Variants in DCC observed in about 807,000 individuals in gnomAD.
DCC encodes netrin receptor DCC.
Under a neutral mutation model 172.5 loss-of-function variants are expected in DCC, and 58 were observed. That is an observed-to-expected ratio of 0.34 (90% CI 0.27 to 0.42). DCC has a LOEUF of 0.42. DCC is among the 10% of genes least tolerant of loss of function. DCC has a pLI of 1.00. For synonymous variants in DCC, 709 were observed against 644.5 expected (o/e 1.10, Z -1.52); for missense variants, 1,740 against 1,791.0 (o/e 0.97, Z 0.51).
In DCC at chr18:53,470,187, T is replaced by G. The variant is rs190023368; in HGVS notation, c.3736+2177T>G. Reference sequence around the variant, plus strand: ...ATCAATGGCCTTAAATAAATATTATTAAAATGCTGATGAATCCTGGAGGAC... The same window carrying G: ...ATCAATGGCCTTAAATAAATATTATGAAAATGCTGATGAATCCTGGAGGAC... On this transcript the variant is annotated intron_variant, in intron 25 of 28. Coordinates refer to ENST00000442544, the MANE Select transcript of DCC (RefSeq NM_005215.4). Among the ~76,000 whole-genome samples, 28 of 152,194 alleles carry G rather than the reference T, an allele frequency of 1.8e-4. No individual in the cohort carries two copies. The East Asian group carries it at 4.4e-3, about 24-fold the overall frequency.
At chr18:53,144,865 T>C (rs770746562) in intron 7 of DCC, among the ~76,000 whole-genome samples, 18 of 152,124 alleles carry the variant, frequency 1.2e-4, no homozygotes, top group Non-Finnish European at 2.5e-4. Context: ...GTTTTTACAA[T>C]GTTTTCAGTT....
At position 52,721,620 on chromosome 18, in the gene DCC, A is replaced by T. The variant is rs946994709; in HGVS notation, c.92-30434A>T. ...CCTAAGGCACAGTGAGGAGGACTTC[A>T]CTAAGGCACATATCACAACATTTCT... On this transcript the variant is annotated intron_variant, in intron 1 of 28. Coordinates refer to ENST00000442544, the MANE Select transcript of DCC (RefSeq NM_005215.4). Among the ~76,000 whole-genome samples, 11 of 152,188 alleles carry T rather than the reference A, an allele frequency of 7.2e-5. 1 individual carries two copies. The highest frequency in any genetic ancestry group is 1.5e-4 in the Non-Finnish European group (10 of 68,032).
intron 5 of DCC, among the ~76,000 whole-genome samples, chr18:52,935,060 T>G (rs575195973): frequency 6.6e-6 from 1 of 152,282 alleles, no homozygotes; most frequent in East Asian, 1.9e-4. Context: ...ATAGAACAAC[T>G]GCTAAAAAGA....
chr18:52,451,529 G>A (rs1456151769), intron 1 of DCC, among the ~76,000 whole-genome samples: 3 of 152,164 alleles, frequency 2.0e-5, no homozygotes, highest in Non-Finnish European at 4.4e-5. Context: ...TCAGGCAATC[G>A]GAAAAGGTTA....
chr18:53,172,811 T>C (rs940534825), intron 8 of DCC, among the ~76,000 whole-genome samples: 2 of 152,128 alleles, frequency 1.3e-5, no homozygotes, highest in African/African-American at 2.4e-5. Flanking sequence ...AAGAAGTTCC[T>C]TATTTTTCCA....
intron 1 of DCC, among the ~76,000 whole-genome samples, chr18:52,465,800 A>T (rs986398405): frequency 6.7e-6 from 1 of 149,930 alleles, no homozygotes; most frequent in Non-Finnish European, 1.5e-5. Flanking sequence ...GTCTGTCACT[A>T]TAAGATGGGT....
At position 53,313,321 on chromosome 18, in the gene DCC, C is replaced by T. The variant is rs553432504; in HGVS notation, c.2053+7602C>T. ...AGTGCAGCGGCACGATCTCGTCTCA[C>T]TGCAACCTCCGCGTCTCGGGTACAA... On this transcript the variant is annotated intron_variant, in intron 13 of 28. Coordinates refer to ENST00000442544, the MANE Select transcript of DCC (RefSeq NM_005215.4). Among the ~76,000 whole-genome samples the T allele has an allele frequency of 7.9e-5, 12 of 152,288 alleles. No homozygotes were observed. In the East Asian group the frequency reaches 1.5e-3, roughly 20 times the overall value.
intron 19 of DCC, among the ~76,000 whole-genome samples, chr18:53,403,738 C>T (rs973850877): frequency 3.9e-5 from 6 of 151,926 alleles, no homozygotes; most frequent in African/African-American, 1.5e-4. Context: ...CTGGATAGCA[C>T]TATTATAAAT....
intron 2 of DCC, among the ~76,000 whole-genome samples, chr18:52,823,778 C>T (rs534065048): frequency 7.8e-4 from 119 of 152,116 alleles, no homozygotes; most frequent in Non-Finnish European, 9.1e-4. Context: ...AGGAAAGCAT[C>T]CTGTTAGTAT....
intron 19 of DCC, among the ~76,000 whole-genome samples, chr18:53,404,063 C>G (rs1909490921): frequency 6.6e-6 from 1 of 152,076 alleles, no homozygotes. Context: ...CTGGCTCATT[C>G]CAATTTTCTT....
At chr18:53,160,244 A>G (rs2144406056) in intron 8 of DCC, among the ~76,000 whole-genome samples, 1 of 152,134 alleles carries the variant, frequency 6.6e-6, no homozygotes, top group Non-Finnish European at 1.5e-5. Flanking sequence ...AACACCAATC[A>G]CTGCAACCTC....
intron 5 of DCC, among the ~76,000 whole-genome samples, chr18:52,957,692 A>C (rs1456643115): frequency 6.6e-6 from 1 of 152,158 alleles, no homozygotes; most frequent in Non-Finnish European, 1.5e-5. Flanking sequence ...ATGAGAAATT[A>C]GTGTCCAGGG....
intron 14 of DCC, among the ~76,000 whole-genome samples, chr18:53,337,147 A>G (rs2057601025): frequency 6.6e-6 from 1 of 152,256 alleles, no homozygotes; most frequent in South Asian, 2.1e-4. Flanking sequence ...TATGGTTTGC[A>G]GAAATATTAA....
chr18:52,582,923 C>T lies in DCC; in HGVS notation c.92-169131C>T, dbSNP rs142731043. 1.8e-3 allele frequency among the ~76,000 whole-genome samples: 274 copies of T among 152,210 alleles called. 1 individual carries two copies. The highest frequency in any genetic ancestry group is 6.3e-3 in the African/African-American group (261 of 41,534). On this transcript the variant is annotated intron_variant, in intron 1 of 28. Coordinates refer to ENST00000442544, the MANE Select transcript of DCC (RefSeq NM_005215.4). ...TCTCTTTCATGGTGGAACACATGAG[C>T]TATCTGTGCCATGGCTCCAGGAAAT...
chr18:52,424,236 G>A (rs1987348484), intron 1 of DCC, among the ~76,000 whole-genome samples: 1 of 152,166 alleles, frequency 6.6e-6, no homozygotes, highest in Non-Finnish European at 1.5e-5. Context: ...AGTATGCTAA[G>A]TATTGTACTG....
intron 1 of DCC, among the ~76,000 whole-genome samples, chr18:52,543,414 A>G (rs2032520908): frequency 6.6e-6 from 1 of 152,206 alleles, no homozygotes; most frequent in Non-Finnish European, 1.5e-5. Context: ...CATTTCCTCC[A>G]TAGCTACTTG....
chr18:52,696,835 G>T (rs2036019595), intron 1 of DCC, among the ~76,000 whole-genome samples: 1 of 152,184 alleles, frequency 6.6e-6, no homozygotes. Context: ...TGAATGTCTT[G>T]GGACTGGATG....
At chr18:53,416,325 G>T (rs1417200253) in intron 21 of DCC, 169 bp downstream of exon 21, 1 of 706,606 alleles carries the variant, frequency 1.4e-6, no homozygotes, top group Non-Finnish European at 2.6e-6. Context: ...TGAGGCTGCG[G>T]CTCTGATAAG....
chr18:52,362,579 A>T (rs1048833957), intron 1 of DCC, among the ~76,000 whole-genome samples: 4 of 151,816 alleles, frequency 2.6e-5, no homozygotes, highest in Non-Finnish European at 5.9e-5. Flanking sequence ...TATAGTTTTT[A>T]TTTTTTTTCT....
Sources: gnomAD v4.1 joint callset for allele counts (sites outside exome capture counted in the v4.1 genomes callset) on GRCh38, gnomAD v4.1.1 for gene constraint, MANE v1.5 for transcripts, NCBI Gene and HGNC (gene_info 2026-07-23, HGNC 2026-07-21) for gene names.